Variants in UBXN6 observed in about 807,000 individuals in gnomAD.
UBXN6 encodes UBX domain-containing protein 6.
Under a neutral mutation model 51.4 loss-of-function variants are expected in UBXN6, and 44 were observed. That is an observed-to-expected ratio of 0.86 (90% confidence interval 0.67 to 1.10). UBXN6 has a LOEUF of 1.10. UBXN6 is among the 50% of genes least tolerant of loss of function. The pLI, the probability that UBXN6 is intolerant of heterozygous loss-of-function variation, is 0.00. For missense variants in UBXN6, 672 were observed against 596.1 expected, an observed-to-expected ratio of 1.13 and a Z score of -1.32; for synonymous variants, 316 against 263.2, an observed-to-expected ratio of 1.20 and a Z score of -1.94.
At chr19:4,448,694 G>A (rs1239774170) in intron 4 of UBXN6, 10 of 480,580 alleles carry the variant, frequency 2.1e-5, no homozygotes, top group East Asian at 3.8e-5. Context: ...AGTGTGACGC[G>A]ACAGAACTGT....
Position 4,446,216 on chromosome 19 carries a change from A to C in UBXN6, c.1052-19T>G. On this transcript the variant is annotated intron_variant, in intron 9 of 10. Transcript: ENST00000301281. ...AAAGTGCCTGGGGAGTGGGGGAGTC[A>C]GAGCGGGTGGGGCCCAGGGCCCCCT... 6.3e-7 allele frequency: 1 copy of C among 1,589,850 alleles called. No individual in the cohort carries two copies. The highest frequency in any genetic ancestry group is 8.5e-7 in the Non-Finnish European group (1 of 1,171,680).
rs370648980 is a variant in UBXN6, at chr19:4,445,338, C to A, written c.*160G>T. 7.9e-7 allele frequency: 1 copy of A among 1,271,950 alleles called. No individual in the cohort carries two copies. The highest frequency in any genetic ancestry group is 1.1e-6 in the Non-Finnish European group (1 of 921,636). 78.8% of individuals were successfully genotyped at this position (1,271,950 alleles called of 1,614,324 possible). On this transcript the variant is annotated 3_prime_UTR_variant, in exon 11 of 11. Coordinates refer to ENST00000301281, the MANE Select transcript of UBXN6 (RefSeq NM_025241.3). ...CCCCCAAGGGATGGGGGCTCTGCCA[C>A]GGGGCCCAATTCCACAGCTCCACGG...
chr19:4,453,659 T>C (rs1275748546), intron 2 of UBXN6, 137 bp from the exon 3 acceptor site: 1 of 1,154,798 alleles, frequency 8.7e-7, no homozygotes, highest in Admixed American at 2.1e-5. Flanking sequence ...GAGGTCAGGC[T>C]GGAGGTCCCC....
Position 4,455,659 on chromosome 19 carries a change from TC to T in UBXN6, c.84-1567del, listed in dbSNP as rs544704312. On this transcript the variant is annotated intron_variant, in intron 1 of 10. Transcript: ENST00000301281. ...CTCCCGTGGCCTGTCTCCCCTGGGC[TC>T]CCCGCAGTTCTTCCCACACCCCAGC... Among the ~76,000 whole-genome samples the T allele has an allele frequency of 1.4e-4, 21 of 152,118 alleles. 1 individual carries two copies. In the South Asian group the frequency reaches 3.9e-3, roughly 29 times the overall value.
At position 4,446,699 on chromosome 19, in the gene UBXN6, C is replaced by G. The variant is rs563472721; in HGVS notation, c.721G>C (p.Val241Leu). 6.2e-7 allele frequency: 1 copy of G among 1,609,928 alleles called. No individual in the cohort carries two copies. Among genetic ancestry groups the G allele is most frequent in the Non-Finnish European group, 8.5e-7 (1 of 1,177,638 alleles). Residue 241 changes from valine to leucine, a missense_variant, in exon 8 of 11, where the codon GTG becomes CTG. Coordinates refer to ENST00000301281, the MANE Select transcript of UBXN6 (RefSeq NM_025241.3). ...TGGGCCAAGGTGGTCTCGCTCAGCA[C>G]GTAGAACTCCTCGGGGTCCTCTACA... ...QDQEDPEEFY[V>L]LSETTLAQPQ...
intron 10 of UBXN6, 165 bp downstream of exon 10, chr19:4,445,884 G>A (rs923686264): frequency 4.4e-5 from 53 of 1,212,294 alleles, no homozygotes; most frequent in Non-Finnish European, 5.3e-5. Context: ...GAACTTGCTC[G>A]AGGCCCTGCT....
At chr19:4,456,220 C>A (rs181160213) in intron 1 of UBXN6, among the ~76,000 whole-genome samples, 7 of 151,720 alleles carry the variant, frequency 4.6e-5, no homozygotes, top group Non-Finnish European at 7.4e-5. Flanking sequence ...CCCCAGCACC[C>A]CCCACCCACT....
chr19:4,455,658 C>T (rs1974730176), intron 1 of UBXN6, among the ~76,000 whole-genome samples: 2 of 152,166 alleles, frequency 1.3e-5, no homozygotes, highest in Admixed American at 6.5e-5. Flanking sequence ...CTCCCCTGGG[C>T]TCCCCGCAGT....
In UBXN6 at chr19:4,446,716, T is replaced by C. The variant is rs1974536815; in HGVS notation, c.704A>G (p.Asp235Gly). ...GCTCAGCACGTAGAACTCCTCGGGG[T>C]CCTCTACAGCGTGGCAGGACATGGG... ...KVLLPAQDQE[D>G]PEEFYVLSET... Residue 235 changes from aspartate (D) to glycine (G), a missense_variant, in exon 8 of 11, where the codon GAC (aspartate) becomes GGC (glycine). Asp to Gly is a moderately conservative substitution (Grantham distance 94, BLOSUM62 -1). Coordinates refer to ENST00000301281, the MANE Select transcript of UBXN6 (RefSeq NM_025241.3). 1.9e-6 allele frequency: 3 copies of C among 1,608,208 alleles called. No individual in the cohort carries two copies. In the African/African-American group the frequency reaches 4.0e-5, roughly 22 times the overall value.
rs1297262556 is a variant in UBXN6 at position 4,454,223 on chromosome 19, C to T, written c.84-130G>A. 3.7e-6 allele frequency: 4 copies of T among 1,072,952 alleles called. No homozygotes were observed. The Admixed American group carries it at 8.4e-5, about 23-fold the overall frequency. 66.5% of individuals were successfully genotyped at this position (1,072,952 alleles called of 1,614,324 possible). On this transcript the variant is annotated intron_variant, in intron 1 of 10. Coordinates refer to ENST00000301281, the MANE Select transcript of UBXN6 (RefSeq NM_025241.3). ...CAGACGTGTCCCTGCCTATGTGGGCCAGGACACCTGGTTCCCAGGGGCCAC... is the reference window on the plus strand; with the variant it reads ...CAGACGTGTCCCTGCCTATGTGGGCTAGGACACCTGGTTCCCAGGGGCCAC...
intron 1 of UBXN6, among the ~76,000 whole-genome samples, chr19:4,454,464 C>G (rs1022211975): frequency 3.3e-5 from 5 of 152,168 alleles, no homozygotes; most frequent in Non-Finnish European, 5.9e-5. Flanking sequence ...GCTCTCTCAC[C>G]AAGGCTGGAG....
chr19:4,445,732 CA>C, intron 10 of UBXN6, 109 bp from the exon 11 acceptor site: 2 of 1,519,010 alleles, frequency 1.3e-6, no homozygotes, highest in Non-Finnish European at 1.8e-6. Flanking sequence ...GAAGCCATCT[CA>C]GCTGGTGGAG....
chr19:4,452,221 G>C, intron 4 of UBXN6, 143 bp downstream of exon 4: 1 of 1,155,750 alleles, frequency 8.7e-7, no homozygotes, highest in Non-Finnish European at 1.2e-6. Context: ...GCCTGGATTT[G>C]GGGTATCAGA....
chr19:4,445,989 G>C, intron 10 of UBXN6, 60 bp downstream of exon 10: 1 of 1,538,714 alleles, frequency 6.5e-7, no homozygotes, highest in Non-Finnish European at 8.8e-7. Context: ...TGTCTGTGCC[G>C]GTCCCAGGAG....
chr19:4,453,337 G>C, intron 3 of UBXN6, 121 bp downstream of exon 3: 1 of 1,155,012 alleles, frequency 8.7e-7, no homozygotes, highest in Non-Finnish European at 1.2e-6. Flanking sequence ...TGTCCACCTT[G>C]CAAGGCAAGG....
chr19:4,447,405 A>G, intron 6 of UBXN6, 145 bp downstream of exon 6: 1 of 816,386 alleles, frequency 1.2e-6, no homozygotes. Flanking sequence ...GCTACCTTCT[A>G]CTGGCCGAAC....
chr19:4,447,002 C>T (rs956966534), intron 6 of UBXN6, 82 bp from the exon 7 acceptor site: 1 of 1,384,836 alleles, frequency 7.2e-7, no homozygotes, highest in African/African-American at 1.4e-5. Flanking sequence ...AGGGGCCCGG[C>T]TCTCGCTATT....
At chr19:4,453,619 C>A in intron 2 of UBXN6, 97 bp from the exon 3 acceptor site, 1 of 1,415,656 alleles carries the variant, frequency 7.1e-7, no homozygotes, top group Non-Finnish European at 9.7e-7. Context: ...GCCTGGGGGC[C>A]ACGCACACCG....
At chr19:4,446,467 C>T (rs753990757) in intron 8 of UBXN6, 33 bp downstream of exon 8, 19 of 1,589,156 alleles carry the variant, frequency 1.2e-5, no homozygotes, top group East Asian at 4.5e-5. Context: ...CACCCCGCCC[C>T]GCCCCACTCT....
Sources: gnomAD v4.1 joint callset for allele counts (sites outside exome capture counted in the v4.1 genomes callset) on GRCh38, gnomAD v4.1.1 for gene constraint, MANE v1.5 for transcripts, NCBI Gene and HGNC (gene_info 2026-07-23, HGNC 2026-07-21) for gene names.